Variants in ARHGEF10 observed in about 807,000 individuals in gnomAD.
ARHGEF10 encodes Rho guanine nucleotide exchange factor (GEF) 10.
ARHGEF10 carries 140 observed loss-of-function variants against 147.4 expected under a neutral mutation model. That is an observed-to-expected ratio of 0.95 (90% CI 0.83 to 1.09). The LOEUF is 1.09. Among genes scored for constraint, ARHGEF10 ranks in the 50% least tolerant of loss-of-function variants. The pLI, the probability that ARHGEF10 is intolerant of heterozygous loss-of-function variation, is 0.00. For synonymous variants in ARHGEF10, 902 were observed against 695.8 expected (o/e 1.30, Z -4.67); for missense variants, 2,222 against 1,752.7 (o/e 1.27, Z -4.78).
intron 10 of ARHGEF10, among the ~76,000 whole-genome samples, chr8:1,884,868 G>T (rs566284227): frequency 6.6e-6 from 1 of 152,160 alleles, no homozygotes; most frequent in African/African-American, 2.4e-5. Flanking sequence ...GGGTTCAGGC[G>T]ATCCTCCTGC....
intron 18 of ARHGEF10, 114 bp downstream of exon 18, chr8:1,909,584 G>T: frequency 7.1e-7 from 1 of 1,403,182 alleles, no homozygotes; most frequent in Non-Finnish European, 9.8e-7. Flanking sequence ...GTTTAACATG[G>T]CAAGTCTGCA....
At chr8:1,919,525 G>A (rs532223493) in intron 18 of ARHGEF10, among the ~76,000 whole-genome samples, 2 of 147,986 alleles carry the variant, frequency 1.4e-5, no homozygotes, top group East Asian at 4.0e-4. Flanking sequence ...TTCTGTGGGT[G>A]ATAAACTGTT....
intron 13 of ARHGEF10, among the ~76,000 whole-genome samples, chr8:1,895,066 T>G (rs1030146959): frequency 6.6e-6 from 1 of 152,228 alleles, no homozygotes; most frequent in African/African-American, 2.4e-5. Context: ...TGCCCTTGGC[T>G]GTAGCTTCTG....
intron 7 of ARHGEF10, among the ~76,000 whole-genome samples, chr8:1,874,732 G>A (rs1188632011): frequency 6.6e-6 from 1 of 151,062 alleles, no homozygotes; most frequent in East Asian, 1.9e-4. Flanking sequence ...TGTGTAAGCA[G>A]TGGAGGTTCT....
In ARHGEF10 at chr8:1,925,346, A is replaced by G; in HGVS notation, c.2552A>G (p.Lys851Arg). The change falls in exon 22 of 29, where the codon AAG becomes AGG. Residue 851 changes from lysine (K) to arginine (R), a missense_variant. Lys to Arg is a conservative substitution (Grantham distance 26). Coordinates refer to ENST00000349830, the MANE Select transcript of ARHGEF10 (RefSeq NM_014629.4). ...EDDGNHIKKE[K>R]HPLLVGHMPV... is the part of the protein sequence containing the mutation. ...GATGGGAATCACATTAAAAAGGAGAAGCATCCTCTCCTCGTCGGACACATG... is the reference window on the plus strand; with the variant it reads ...GATGGGAATCACATTAAAAAGGAGAGGCATCCTCTCCTCGTCGGACACATG... 6.2e-7 allele frequency: 1 copy of G among 1,614,154 alleles called. No individual in the cohort carries two copies. The highest frequency in any genetic ancestry group is 8.5e-7 in the Non-Finnish European group (1 of 1,180,018).
chr8:1,914,785 T>C (rs1811633572), intron 18 of ARHGEF10, among the ~76,000 whole-genome samples: 1 of 152,190 alleles, frequency 6.6e-6, no homozygotes, highest in African/African-American at 2.4e-5. Flanking sequence ...CTGTATGGCG[T>C]GTGGATTTGC....
chr8:1,931,614 GA>G (rs1225621347), intron 25 of ARHGEF10, among the ~76,000 whole-genome samples: 1 of 152,264 alleles, frequency 6.6e-6, no homozygotes, highest in Non-Finnish European at 1.5e-5. Context: ...TCTTGGTGGT[GA>G]GGGACGTGGC....
chr8:1,823,554 G>A (rs1802530866), upstream of ARHGEF10, among the ~76,000 whole-genome samples: 1 of 152,038 alleles, frequency 6.6e-6, no homozygotes, highest in Non-Finnish European at 1.5e-5. Context: ...TCTGCCCGGC[G>A]CACCCTCCCC....
intron 18 of ARHGEF10, among the ~76,000 whole-genome samples, chr8:1,915,604 G>A (rs563945569): frequency 2.0e-5 from 3 of 152,340 alleles, no homozygotes; most frequent in South Asian, 2.1e-4. Flanking sequence ...TGCCACATGC[G>A]TGGCTCTGTT....
chr8:1,866,677 T>C, intron 6 of ARHGEF10, 75 bp downstream of exon 6: 3 of 1,340,576 alleles, frequency 2.2e-6, no homozygotes, highest in Non-Finnish European at 3.2e-6. Context: ...GCCGGGTCCC[T>C]GAGTCTCAGG....
intron 26 of ARHGEF10, among the ~76,000 whole-genome samples, chr8:1,936,369 G>T (rs1019616581): frequency 6.6e-6 from 1 of 152,134 alleles, no homozygotes; most frequent in Admixed American, 6.5e-5. Flanking sequence ...ATATAAGTTA[G>T]CTGGGCACGG....
At chr8:1,890,805 C>T (rs529946017) in intron 11 of ARHGEF10, among the ~76,000 whole-genome samples, 91 of 151,980 alleles carry the variant, frequency 6.0e-4, no homozygotes, top group African/African-American at 2.1e-3. Context: ...GAGGTTTGAC[C>T]TTTTTGTTGT....
chr8:1,829,752 C>G (rs961813945), intron 1 of ARHGEF10, among the ~76,000 whole-genome samples: 3 of 152,174 alleles, frequency 2.0e-5, no homozygotes, highest in Non-Finnish European at 2.9e-5. Context: ...CATAGGTGCC[C>G]AGCGCTGCAC....
chr8:1,888,852 G>GTGAGGAGACAGTGGGGTGAGAGTTA lies in ARHGEF10; in HGVS notation c.1182+3155_1182+3156insGTGGGGTGAGAGTTATGAGGAGACA, dbSNP rs1219012818. ...GGAGACACTGAATAGGGTGAGGTTT[G>GTGAGGAGACAGTGGGGTGAGAGTTA]TGAGGAGACACTGAGTGGGGTGAGA... On this transcript the variant is annotated intron_variant, in intron 11 of 28. Coordinates refer to ENST00000349830, the MANE Select transcript of ARHGEF10 (RefSeq NM_014629.4). Among the ~76,000 whole-genome samples the GTGAGGAGACAGTGGGGTGAGAGTTA allele has an allele frequency of 3.1e-4, 28 of 90,080 alleles. 4 individuals carry two copies. The highest frequency in any genetic ancestry group is 1.1e-3 in the African/African-American group (22 of 19,824). The allele number at this position is 90,080 out of a possible 152,430, so 59.1% of individuals were successfully genotyped here.
chr8:1,834,201 G>T (rs971793152), intron 1 of ARHGEF10, among the ~76,000 whole-genome samples: 24 of 152,244 alleles, frequency 1.6e-4, no homozygotes, highest in African/African-American at 5.3e-4. Flanking sequence ...CGCAGAGAGG[G>T]TCACACCTGC....
intron 18 of ARHGEF10, among the ~76,000 whole-genome samples, chr8:1,922,675 C>T (rs1585552055): frequency 6.6e-6 from 1 of 152,088 alleles, no homozygotes; most frequent in Admixed American, 6.5e-5. Flanking sequence ...TGTGGTGTCC[C>T]GGATTTGACG....
chr8:1,896,392 C>A lies in ARHGEF10; in HGVS notation c.1500C>A (p.Ala500=). Residue 500 remains alanine (A), a synonymous_variant, in exon 14 of 29, where the codon GCC becomes GCA. Coordinates refer to ENST00000349830, the MANE Select transcript of ARHGEF10 (RefSeq NM_014629.4). ...YSEYVNNFST[A]VAVLKKTCAT... is the part of the protein sequence containing the mutation. ...AATATGTGAACAATTTCAGCACAGC[C>A]GTGGCAGTCCTCAAGAAAACATGTG... 1.2e-6 allele frequency: 2 copies of A among 1,613,884 alleles called. No individual in the cohort carries two copies. Among genetic ancestry groups the A allele is most frequent in the Non-Finnish European group, 1.7e-6 (2 of 1,179,998 alleles).
rs1350346592 is a variant in ARHGEF10 at position 1,866,622 on chromosome 8, A to C, written c.622+20A>C. On this transcript the variant is annotated intron_variant, in intron 6 of 28. Coordinates refer to ENST00000349830, the MANE Select transcript of ARHGEF10 (RefSeq NM_014629.4). ...TGGAGAGTAAGTTCCCCAGCTGCCC[A>C]CAGCCAGAATCCTCACCACGCTCCA... 3.1e-6 allele frequency: 5 copies of C among 1,601,808 alleles called. No homozygotes were observed. In the East Asian group the frequency reaches 8.9e-5, roughly 29 times the overall value.
In ARHGEF10 at chr8:1,945,624, C is replaced by T. The variant is rs1318220145; in HGVS notation, c.3366C>T (p.Asn1122=). The T allele has an allele frequency of 6.8e-6, 11 of 1,614,224 alleles. No individual in the cohort carries two copies. The highest frequency in any genetic ancestry group is 9.3e-6 in the Non-Finnish European group (11 of 1,180,026). The change falls in exon 27 of 29, where the codon AAC becomes AAT. Residue 1122 remains asparagine, a synonymous_variant. Coordinates refer to ENST00000349830, the MANE Select transcript of ARHGEF10 (RefSeq NM_014629.4). ...CTCTCAAGCACCTGCAGGACATCAA[C>T]ATCGCCACCCCTGTTCACAACATGC... ...TETLKHLQDI[N]IATPVHNMLP... is the part of the protein sequence containing the mutation.
Sources: gnomAD v4.1 joint callset for allele counts (sites outside exome capture counted in the v4.1 genomes callset) on GRCh38, gnomAD v4.1.1 for gene constraint, MANE v1.5 for transcripts, NCBI Gene and HGNC (gene_info 2026-07-23, HGNC 2026-07-21) for gene names.